SPAG16: variants seen among roughly 807,000 people sequenced by gnomAD.
SPAG16 encodes sperm associated antigen 16.
In SPAG16, 86 loss-of-function variants were observed where a neutral mutation model predicts 80.4. That is an observed-to-expected ratio of 1.07 (90% CI 0.90 to 1.28). The LOEUF is 1.28. Among genes scored for constraint, SPAG16 ranks in the 50% most tolerant of loss-of-function variants. The pLI, the probability that SPAG16 is intolerant of heterozygous loss-of-function variation, is 0.00. For missense variants in SPAG16, 870 were observed against 765.3 expected, an observed-to-expected ratio of 1.14 and a Z score of -1.61; for synonymous variants, 294 against 265.9, an observed-to-expected ratio of 1.11 and a Z score of -1.03.
intron 13 of SPAG16, among the ~76,000 whole-genome samples, chr2:214,105,075 G>C (rs1000057192): frequency 1.3e-5 from 2 of 152,010 alleles, no homozygotes; most frequent in Non-Finnish European, 2.9e-5. Context: ...TATCCTACAG[G>C]CGCTTCCCTC....
intron 15 of SPAG16, among the ~76,000 whole-genome samples, chr2:214,361,412 A>G (rs1185781233): frequency 1.3e-5 from 2 of 151,796 alleles, no homozygotes; most frequent in African/African-American, 4.8e-5. Context: ...AAACACACTC[A>G]TTTATGTTTT....
chr2:213,891,151 G>C (rs1834772), intron 11 of SPAG16, among the ~76,000 whole-genome samples: 90,251 of 151,700 alleles, frequency 0.59, 28,712 homozygotes, highest in South Asian at 0.85. Context: ...TTTTACTATG[G>C]TTATTTCTGT....
At chr2:213,421,295 C>G (rs966543151) in intron 9 of SPAG16, among the ~76,000 whole-genome samples, 1 of 152,034 alleles carries the variant, frequency 6.6e-6, no homozygotes, top group African/African-American at 2.4e-5. Context: ...GCCAGGTGTG[C>G]GTGTGCTTGG....
chr2:213,678,075 A>G (rs1252537216), intron 10 of SPAG16, among the ~76,000 whole-genome samples: 2 of 152,170 alleles, frequency 1.3e-5, no homozygotes, highest in Non-Finnish European at 2.9e-5. Flanking sequence ...ACCAAGGAGA[A>G]CAAAGACACA....
chr2:214,090,188 A>G (rs972171138), intron 13 of SPAG16, among the ~76,000 whole-genome samples: 4 of 152,104 alleles, frequency 2.6e-5, no homozygotes, highest in Non-Finnish European at 5.9e-5. Flanking sequence ...GAGAATGAAC[A>G]AAGAGAAAGA....
intron 15 of SPAG16, among the ~76,000 whole-genome samples, chr2:214,341,346 T>C (rs2126031289): frequency 1.3e-5 from 2 of 152,102 alleles, no homozygotes; most frequent in Middle Eastern, 3.4e-3. Context: ...GGATAGCAAA[T>C]AAATGATAAA....
chr2:213,441,687 A>G (rs1288054839), intron 9 of SPAG16, among the ~76,000 whole-genome samples: 1 of 152,252 alleles, frequency 6.6e-6, no homozygotes, highest in African/African-American at 2.4e-5. Context: ...GGAAGAAATA[A>G]AATTACTTTT....
At chr2:213,468,569 ATATC>A (rs1240303197) in intron 9 of SPAG16, among the ~76,000 whole-genome samples, 12 of 143,746 alleles carry the variant, frequency 8.3e-5, no homozygotes, top group East Asian at 2.0e-4. Flanking sequence ...AGAGATATAT[ATATC>A]TATGTATTTA....
intron 11 of SPAG16, among the ~76,000 whole-genome samples, chr2:213,887,844 T>A (rs1238257910): frequency 6.6e-6 from 1 of 151,892 alleles, no homozygotes; most frequent in Non-Finnish European, 1.5e-5. Flanking sequence ...TTATGTATTA[T>A]TAAATTGTAC....
At chr2:213,930,643 T>C (rs2078708620) in intron 12 of SPAG16, among the ~76,000 whole-genome samples, 1 of 152,214 alleles carries the variant, frequency 6.6e-6, no homozygotes, top group South Asian at 2.1e-4. Context: ...TACTGTATTG[T>C]ATGTAAAATC....
At chr2:213,345,946 C>T (rs1354664724) in intron 6 of SPAG16, among the ~76,000 whole-genome samples, 3 of 152,148 alleles carry the variant, frequency 2.0e-5, no homozygotes, top group African/African-American at 7.2e-5. Context: ...ATAGGGATGG[C>T]ATTGAATCTA....
At chr2:214,041,978 G>GTATATA (rs1158447338) in intron 13 of SPAG16, among the ~76,000 whole-genome samples, 2,153 of 116,134 alleles carry the variant, frequency 0.019, 29 homozygotes, top group African/African-American at 0.033. Flanking sequence ...GTCTGTGTGT[G>GTATATA]TATATATATA....
At chr2:214,042,427 A>G (rs371216011) in intron 13 of SPAG16, among the ~76,000 whole-genome samples, 117 of 95,308 alleles carry the variant, frequency 1.2e-3, no homozygotes, top group African/African-American at 3.9e-3. Flanking sequence ...AGTAAAAACA[A>G]AAACAAAACA....
intron 7 of SPAG16, among the ~76,000 whole-genome samples, chr2:213,359,557 C>G (rs886287954): frequency 6.6e-6 from 1 of 152,226 alleles, no homozygotes; most frequent in Non-Finnish European, 1.5e-5. Flanking sequence ...GAGCAAGGCT[C>G]TGTGGGCGTC....
At chr2:213,435,649 A>G (rs17694850) in intron 9 of SPAG16, among the ~76,000 whole-genome samples, 3,543 of 152,276 alleles carry the variant, frequency 0.023, 58 homozygotes, top group South Asian at 0.038. Flanking sequence ...TTAGTTATTG[A>G]ACATTTTTCA....
At chr2:214,213,117 G>T (rs2058339411) in intron 15 of SPAG16, among the ~76,000 whole-genome samples, 1 of 152,128 alleles carries the variant, frequency 6.6e-6, no homozygotes, top group African/African-American at 2.4e-5. Context: ...TTCCAGATTT[G>T]CAAATCATTC....
At chr2:214,050,947 T>C (rs1441720814) in intron 13 of SPAG16, among the ~76,000 whole-genome samples, 1 of 152,210 alleles carries the variant, frequency 6.6e-6, no homozygotes, top group Non-Finnish European at 1.5e-5. Context: ...AACATTATCG[T>C]TGAGTAGACT....
intron 15 of SPAG16, among the ~76,000 whole-genome samples, chr2:214,331,147 T>C (rs1696884781): frequency 6.6e-6 from 1 of 152,148 alleles, no homozygotes; most frequent in Non-Finnish European, 1.5e-5. Flanking sequence ...CTCTATGCCC[T>C]TTTCAGGCTA....
At chr2:214,278,588 C>T (rs1260280514) in intron 15 of SPAG16, among the ~76,000 whole-genome samples, 2 of 152,042 alleles carry the variant, frequency 1.3e-5, no homozygotes, top group Admixed American at 6.5e-5. Flanking sequence ...ATCTAAATGC[C>T]TTATAAATCT....
Sources: allele counts gnomAD v4.1 joint callset (sites outside exome capture counted in the v4.1 genomes callset), GRCh38; gene constraint gnomAD v4.1.1; transcripts MANE v1.5; gene names NCBI Gene and HGNC (gene_info 2026-07-23, HGNC 2026-07-21).